The following TENM2 variants were observed in gnomAD, a reference collection of about 807,000 sequenced individuals.
TENM2 encodes the protein teneurin-2.
Under a neutral mutation model 245.2 loss-of-function variants are expected in TENM2, and 52 were observed. The ratio of observed to expected loss-of-function variants is 0.21; its 90% CI spans 0.17 to 0.27. The LOEUF (loss-of-function observed/expected upper bound fraction) is 0.27, where lower values mean the gene tolerates loss of function less well. Among genes scored for constraint, TENM2 ranks in the 10% least tolerant of loss-of-function variants. The pLI is 1.00. For missense variants in TENM2, 3,046 were observed against 3,666.8 expected (o/e 0.83, Z 4.37); for synonymous variants, 1,363 against 1,438.9 (o/e 0.95, Z 1.19).
At chr5:167,947,344 TA>T (rs1779710853) in intron 3 of TENM2, among the ~76,000 whole-genome samples, 1 of 152,220 alleles carries the variant, frequency 6.6e-6, no homozygotes, top group Non-Finnish European at 1.5e-5. Flanking sequence ...CTAGGCTCCT[TA>T]AAAATATATT....
intron 2 of TENM2, among the ~76,000 whole-genome samples, chr5:167,528,171 C>T (rs1019950909): frequency 1.3e-5 from 2 of 152,088 alleles, no homozygotes; most frequent in African/African-American, 4.8e-5. Context: ...GGGAGCAATG[C>T]TGAATGATGC....
intron 6 of TENM2, among the ~76,000 whole-genome samples, chr5:168,058,321 C>A (rs763436749): frequency 1.1e-4 from 17 of 152,194 alleles, no homozygotes; most frequent in African/African-American, 2.7e-4. Context: ...AGATCACTTA[C>A]ATTTGCCAGG....
At chr5:168,133,557 T>C (rs1754776915) in intron 12 of TENM2, among the ~76,000 whole-genome samples, 1 of 152,194 alleles carries the variant, frequency 6.6e-6, no homozygotes. Flanking sequence ...CTAAAGACTT[T>C]ACATTCAAGG....
At chr5:167,210,684 C>T in the TENM2 span, among the ~76,000 whole-genome samples, 1 of 151,244 alleles carries the variant, frequency 6.6e-6, no homozygotes, top group Non-Finnish European at 1.5e-5. Context: ...AGGATGGTCT[C>T]GATCTCCTGA....
In TENM2 at chr5:168,218,160, T is replaced by C. The variant is rs752844784; in HGVS notation, c.4269T>C (p.Asn1423=). The C allele has an allele frequency of 2.9e-5, 47 of 1,613,702 alleles. No individual in the cohort carries two copies. Among genetic ancestry groups the C allele is most frequent in the Non-Finnish European group, 8.5e-7 (1 of 1,179,768 alleles). ...AGTGGCCAACAGACCTTGCTGTCAA[T>C]CCCATGGATAACTCCTTGTATGTTC... The change falls in exon 23 of 29, where the codon AAT becomes AAC. Residue 1423 remains asparagine (N), a synonymous_variant. Transcript: ENST00000518659. The surrounding 1 kb of genome is among the most constrained non-coding windows in gnomAD (Gnocchi z 5.2).
At chr5:167,417,021 A>G (rs1020703473) in intron 2 of TENM2, among the ~76,000 whole-genome samples, 1 of 152,164 alleles carries the variant, frequency 6.6e-6, no homozygotes, top group South Asian at 2.1e-4. Flanking sequence ...TTCAAAGATA[A>G]TCTATAATCA....
chr5:166,989,662 G>T, the TENM2 span, among the ~76,000 whole-genome samples: 3 of 151,624 alleles, frequency 2.0e-5, no homozygotes, highest in Non-Finnish European at 4.4e-5. Context: ...AAAGTGCTGG[G>T]ATTACAGACG....
At chr5:167,552,034 A>T (rs1164837149) in intron 2 of TENM2, among the ~76,000 whole-genome samples, 2 of 152,210 alleles carry the variant, frequency 1.3e-5, no homozygotes, top group Non-Finnish European at 2.9e-5. Flanking sequence ...TTTTCTGGGG[A>T]GAAAAAGCAT....
At chr5:167,997,414 G>A (rs1784134795) in intron 5 of TENM2, among the ~76,000 whole-genome samples, 1 of 152,232 alleles carries the variant, frequency 6.6e-6, no homozygotes, top group South Asian at 2.1e-4. Context: ...TTCTAACGCA[G>A]TGGATAGAAA....
At chr5:167,250,504 CAT>C in the TENM2 span, among the ~76,000 whole-genome samples, 3 of 151,918 alleles carry the variant, frequency 2.0e-5, no homozygotes, top group Admixed American at 2.0e-4. Context: ...AAAAATGTAA[CAT>C]AACATATGTG....
chr5:168,023,190 T>C (rs1440453446), intron 5 of TENM2, among the ~76,000 whole-genome samples: 1 of 152,228 alleles, frequency 6.6e-6, no homozygotes, highest in African/African-American at 2.4e-5. Context: ...GAAACCCTGC[T>C]GCAGAGAGTG....
exon 2 of TENM2, chr5:167,375,212 C>G (rs368814943): frequency 1.3e-6 from 2 of 1,551,608 alleles, no homozygotes; most frequent in Non-Finnish European, 1.7e-6. Context: ...CAACTTCACC[C>G]TTGCCGAACT....
chr5:167,429,815 C>G (rs1400723878), intron 2 of TENM2, among the ~76,000 whole-genome samples: 1 of 152,030 alleles, frequency 6.6e-6, no homozygotes, highest in South Asian at 2.1e-4. Context: ...CCATGTTGGC[C>G]AGGCTGGTCT....
the TENM2 span, among the ~76,000 whole-genome samples, chr5:167,268,507 G>C: frequency 6.6e-6 from 1 of 152,078 alleles, no homozygotes. Context: ...CAAGATTTCT[G>C]GCAAAAGAAG....
intron 2 of TENM2, among the ~76,000 whole-genome samples, chr5:167,427,372 G>C (rs572388447): frequency 6.6e-6 from 1 of 152,186 alleles, no homozygotes; most frequent in South Asian, 2.1e-4. Context: ...AGAATTGCTT[G>C]AACCCAGGAG....
At chr5:167,577,336 C>A (rs777116206) in intron 2 of TENM2, among the ~76,000 whole-genome samples, 5 of 152,188 alleles carry the variant, frequency 3.3e-5, no homozygotes, top group Non-Finnish European at 5.9e-5. Context: ...GGTTTTCTTA[C>A]TTTAAGCCGA....
the TENM2 span, among the ~76,000 whole-genome samples, chr5:167,115,186 A>G: frequency 6.6e-6 from 1 of 152,206 alleles, no homozygotes; most frequent in East Asian, 1.9e-4. Flanking sequence ...CAGGAAGGAG[A>G]CTCCGAAGAA....
At chr5:168,001,781 T>C (rs966077761) in intron 5 of TENM2, among the ~76,000 whole-genome samples, 1 of 152,238 alleles carries the variant, frequency 6.6e-6, no homozygotes, top group Non-Finnish European at 1.5e-5. Flanking sequence ...GCCCTTCTCT[T>C]ATCAAACAAG....
At chr5:167,842,849 C>A (rs956449729) in intron 2 of TENM2, among the ~76,000 whole-genome samples, 2 of 152,106 alleles carry the variant, frequency 1.3e-5, no homozygotes, top group African/African-American at 4.8e-5. Context: ...TTGGATGAGG[C>A]CAGTGGCGCA....
Sources: allele counts gnomAD v4.1 joint callset (sites outside exome capture counted in the v4.1 genomes callset), GRCh38; gene constraint gnomAD v4.1.1; non-coding constraint Gnocchi (gnomAD v3.1); transcripts MANE v1.5; gene names NCBI Gene and HGNC (gene_info 2026-07-23, HGNC 2026-07-21).